GRN: variants seen among roughly 807,000 people sequenced by gnomAD.
GRN encodes the protein progranulin.
A neutral mutation model predicts 66.7 loss-of-function variants in GRN; 30 were observed. The observed-to-expected ratio is 0.45, with a 90% CI of 0.34 to 0.61. The LOEUF is 0.61. Ranked by LOEUF, GRN falls within the 20% of genes least tolerant of loss-of-function variation. The pLI is 0.01. For synonymous variants in GRN, 327 were observed against 311.1 expected (o/e 1.05, Z -0.54); for missense variants, 731 against 803.5 (o/e 0.91, Z 1.09).
rs1480952239 is a variant in GRN at position 44,351,696 on chromosome 17, G to C, written c.1080G>C (p.Leu360Phe). Residue 360 changes from leucine (L) to phenylalanine (F), a missense_variant, in exon 10 of 13, where the codon TTG (leucine) becomes TTC (phenylalanine). Leu to Phe is a conservative substitution (Grantham distance 22). This residue lies in a region of GRN where 319 missense variants were observed against 347.2 expected (regional missense o/e 0.92). Transcript: ENST00000053867. ...AHLSLPDPQALKRDVPCDNVS... is the reference protein window; with the variant it reads ...AHLSLPDPQAFKRDVPCDNVS... ...TCAGCCTGCCAGACCCACAAGCCTT[G>C]AAGAGAGATGTCCCCTGTGATAATG... 2 of 1,613,870 alleles carry C rather than the reference G, an allele frequency of 1.2e-6. No individual in the cohort carries two copies. Among genetic ancestry groups the C allele is most frequent in the Non-Finnish European group, 1.7e-6 (2 of 1,179,994 alleles).
At chr17:44,348,633 ATCATGTGGCCGCTTCCC>A (rs2048342959) in intron 1 of GRN, among the ~76,000 whole-genome samples, 1 of 152,152 alleles carries the variant, frequency 6.6e-6, no homozygotes, top group Non-Finnish European at 1.5e-5. Flanking sequence ...TTCCCATGTC[ATCATGTGGCCGCTTCCC>A]GCAAGGCCTT....
intron 1 of GRN, 137 bp from the exon 2 acceptor site, chr17:44,349,021 C>T (rs1278024620): frequency 3.3e-6 from 3 of 917,512 alleles, no homozygotes; most frequent in Non-Finnish European, 3.5e-6. Flanking sequence ...TTTCTGCCTG[C>T]CTGGACAGGG....
chr17:44,345,591 G>C (rs1309757327), intron 1 of GRN: 4 of 152,304 alleles, frequency 2.6e-5, no homozygotes, highest in African/African-American at 7.2e-5. Flanking sequence ...TCTTGACCCA[G>C]CTCCACCCCT....
rs772641246 is a variant in GRN, at chr17:44,352,248, T to C, written c.1413T>C (p.His471=). 3.5e-5 allele frequency: 56 copies of C among 1,607,970 alleles called. 1 individual carries two copies. The South Asian group carries it at 5.8e-4, about 17-fold the overall frequency. The change falls in exon 11 of 13, where the codon CAT becomes CAC. Residue 471 remains histidine (H), a splice_region_variant and synonymous_variant. Coordinates refer to ENST00000053867, the MANE Select transcript of GRN (RefSeq NM_002087.4). ...GGSWACCQLP[H]AVCCEDRQHC... Reference sequence around the variant, plus strand: ...GCTGGGCCTGCTGCCAGTTGCCCCATGTGAGTGCCTCCCTGCCTGCCCCTG... The same window carrying C: ...GCTGGGCCTGCTGCCAGTTGCCCCACGTGAGTGCCTCCCTGCCTGCCCCTG...
At position 44,351,713 on chromosome 17, in the gene GRN, G is replaced by T; in HGVS notation, c.1097G>T (p.Cys366Phe). The change falls in exon 10 of 13, where the codon TGT becomes TTT. Residue 366 changes from cysteine to phenylalanine, a missense_variant. Cys to Phe is a radical substitution (Grantham distance 205, BLOSUM62 -2). This residue lies in a region of GRN where 319 missense variants were observed against 347.2 expected (regional missense o/e 0.92). Transcript: ENST00000053867. ...DPQALKRDVP[C>F]DNVSSCPSSD... is the part of the protein sequence containing the mutation. ...CAAGCCTTGAAGAGAGATGTCCCCT[G>T]TGATAATGTCAGCAGCTGTCCCTCC... is the stretch of plus-strand genomic sequence containing the variant. 3 of 1,613,914 alleles carry T rather than the reference G, an allele frequency of 1.9e-6. No individual in the cohort carries two copies. The highest frequency in any genetic ancestry group is 2.5e-6 in the Non-Finnish European group (3 of 1,179,962).
intron 8 of GRN, 42 bp from the exon 9 acceptor site, chr17:44,351,321 C>T (rs1232241436): frequency 1.9e-6 from 3 of 1,552,014 alleles, no homozygotes; most frequent in African/African-American, 2.7e-5. Context: ...CCTGAGGGTC[C>T]CCAGTGCCAC....
At chr17:44,348,029 A>G (rs559784396) in intron 1 of GRN, among the ~76,000 whole-genome samples, 5 of 152,076 alleles carry the variant, frequency 3.3e-5, no homozygotes, top group African/African-American at 1.2e-4. Context: ...TGATCCCAGG[A>G]GTCTGAGTCC....
At position 44,352,871 on chromosome 17, in the gene GRN, A is replaced by G; in HGVS notation, c.*73A>G. The G allele has an allele frequency of 6.9e-7, 1 of 1,449,776 alleles. No individual in the cohort carries two copies. The highest frequency in any genetic ancestry group is 1.8e-4 in the Middle Eastern group (1 of 5,470). 89.8% of individuals were successfully genotyped at this position (1,449,776 alleles called of 1,614,324 possible). Reference sequence around the variant, plus strand: ...TGCCCTCTGCTCAGGCCTCCCTAGCACCTCCCCCTAACCAAATTCTCCCTG... The same window carrying G: ...TGCCCTCTGCTCAGGCCTCCCTAGCGCCTCCCCCTAACCAAATTCTCCCTG... On this transcript the variant is annotated 3_prime_UTR_variant, in exon 13 of 13. Transcript: ENST00000053867.
intron 3 of GRN, 33 bp from the exon 4 acceptor site, chr17:44,349,634 C>T: frequency 6.2e-7 from 1 of 1,609,790 alleles, no homozygotes; most frequent in South Asian, 1.1e-5. Context: ...GATAAAAGGG[C>T]CCTGCCAATG....
At chr17:44,351,826 G>T in intron 10 of GRN, 31 bp downstream of exon 10, 1 of 1,607,504 alleles carries the variant, frequency 6.2e-7, no homozygotes. Context: ...TCTTGGCCTG[G>T]GCAGGTGGGT....
rs770058074 is a variant in GRN at position 44,352,365 on chromosome 17, C to T, written c.1438C>T (p.His480Tyr). 3 of 1,613,594 alleles carry T rather than the reference C, an allele frequency of 1.9e-6. No individual in the cohort carries two copies. Among genetic ancestry groups the T allele is most frequent in the Middle Eastern group, 1.6e-4 (1 of 6,062 alleles). ...PHAVCCEDRQ[H>Y]CCPAGYTCNV... ...GGCTGTGTGCTGCGAGGATCGCCAG[C>T]ACTGCTGCCCGGCTGGCTACACCTG... Residue 480 changes from histidine to tyrosine, a missense_variant, in exon 12 of 13, where the codon CAC (histidine) becomes TAC (tyrosine). By Grantham distance (83) the His-to-Tyr change is moderately conservative. Transcript: ENST00000053867.
At chr17:44,352,629 T>G in intron 12 of GRN, 32 bp from the exon 13 acceptor site, 1 of 1,610,390 alleles carries the variant, frequency 6.2e-7, no homozygotes, top group Non-Finnish European at 8.5e-7. Context: ...TCCCACCTCG[T>G]CCAACCCTCT....
rs63751100 is a variant in GRN at position 44,352,088 on chromosome 17, G to A, written c.1253G>A (p.Arg418Gln). Residue 418 changes from arginine to glutamine, a missense_variant, in exon 11 of 13, where the codon CGA becomes CAA. Around this residue, in one of 3 missense-constraint regions of GRN, gnomAD observed 319 missense variants for 347.2 expected, o/e 0.92. Transcript: ENST00000053867. ...TGTGTAGCTGAGGGGCAGTGTCAGC[G>A]AGGAAGCGAGATCGTGGCTGGACTG... Reference protein sequence around the residue: ...YTCVAEGQCQRGSEIVAGLEK... With the variant: ...YTCVAEGQCQQGSEIVAGLEK... 1.7e-4 allele frequency: 281 copies of A among 1,613,732 alleles called. 1 individual carries two copies. Among genetic ancestry groups the A allele is most frequent in the Middle Eastern group, 6.6e-4 (4 of 6,084 alleles).
chr17:44,351,273 C>A, intron 8 of GRN, 90 bp from the exon 9 acceptor site: 2 of 1,526,332 alleles, frequency 1.3e-6, no homozygotes, highest in South Asian at 1.1e-5. Context: ...ATCTTCAACA[C>A]CTGGTTCCAG....
intron 10 of GRN, 108 bp downstream of exon 10, chr17:44,351,903 G>A (rs1051967574): frequency 6.5e-5 from 96 of 1,479,584 alleles, no homozygotes; most frequent in Non-Finnish European, 8.0e-5. Flanking sequence ...TGACAGATTC[G>A]TCCCCAGCTG....
At chr17:44,350,966 C>T in intron 7 of GRN, 71 bp from the exon 8 acceptor site, 1 of 1,558,740 alleles carries the variant, frequency 6.4e-7, no homozygotes, top group Non-Finnish European at 8.8e-7. Flanking sequence ...CAGTGCCAGC[C>T]ATCAGCCTGG....
rs1167549504 is a variant in GRN at position 44,352,534 on chromosome 17, A to G, written c.1607A>G (p.Asp536Gly). 6.2e-7 allele frequency: 1 copy of G among 1,613,400 alleles called. No homozygotes were observed. The highest frequency in any genetic ancestry group is 8.5e-7 in the Non-Finnish European group (1 of 1,179,908). The change falls in exon 12 of 13, where the codon GAC becomes GGC. Residue 536 changes from aspartate to glycine, a missense_variant. Asp to Gly is a moderately conservative substitution (Grantham distance 94). Transcript: ENST00000053867. ...CATGATAACCAGACCTGCTGCCGAGACAACCGACAGGGCTGGGCCTGCTGT... is the reference window on the plus strand; with the variant it reads ...CATGATAACCAGACCTGCTGCCGAGGCAACCGACAGGGCTGGGCCTGCTGT... ...FCHDNQTCCR[D>G]NRQGWACCPY...
In GRN at chr17:44,351,430, G is replaced by C; in HGVS notation, c.903G>C (p.Ser301=). The change falls in exon 9 of 13, where the codon TCG becomes TCC. Residue 301 remains serine, a synonymous_variant. Transcript: ENST00000053867. ...GCTATACCTGCTGCCGTCTACAGTC[G>C]GGGGCCTGGGGCTGCTGCCCTTTTA... ...PDGYTCCRLQ[S]GAWGCCPFTQ... The C allele has an allele frequency of 6.2e-7, 1 of 1,613,518 alleles. No homozygotes were observed.
chr17:44,350,462 G>A lies in GRN; in HGVS notation c.483G>A (p.Arg161=), dbSNP rs373703310. 1 of 1,613,882 alleles carries A rather than the reference G, an allele frequency of 6.2e-7. No individual in the cohort carries two copies. The change falls in exon 6 of 13, where the codon AGG becomes AGA. Residue 161 remains arginine, a synonymous_variant. Transcript: ENST00000053867. ...CTCAGGCTTCCTGCTGTGAAGACAGGGTGCACTGCTGTCCGCACGGTGCCT... is the reference window on the plus strand; with the variant it reads ...CTCAGGCTTCCTGCTGTGAAGACAGAGTGCACTGCTGTCCGCACGGTGCCT... ...PMPQASCCED[R]VHCCPHGAFC...
Sources: allele counts gnomAD v4.1 joint callset (sites outside exome capture counted in the v4.1 genomes callset), GRCh38; gene constraint gnomAD v4.1.1; regional missense constraint gnomAD v4.1.1; transcripts MANE v1.5; gene names NCBI Gene and HGNC (gene_info 2026-07-23, HGNC 2026-07-21).